AUTS2: variants seen among roughly 807,000 people sequenced by gnomAD.
AUTS2 encodes the protein activator of transcription and developmental regulator AUTS2.
AUTS2 carries 17 observed loss-of-function variants against 112.4 expected under a neutral mutation model. The ratio of observed to expected loss-of-function variants is 0.15; its 90% CI spans 0.10 to 0.23. The LOEUF is 0.23. AUTS2 is among the 10% of genes least tolerant of loss of function. AUTS2 has a pLI of 1.00. For missense variants in AUTS2, 1,510 were observed against 1,701.6 expected, an observed-to-expected ratio of 0.89 and a Z score of 1.98; for synonymous variants, 751 against 702.7, an observed-to-expected ratio of 1.07 and a Z score of -1.09.
At chr7:70,764,302 T>C (rs1282107008) in intron 7 of AUTS2, among the ~76,000 whole-genome samples, 2 of 152,148 alleles carry the variant, frequency 1.3e-5, no homozygotes, top group African/African-American at 4.8e-5. Flanking sequence ...GTTTCACCTC[T>C]TCTTTGTGTG....
intron 4 of AUTS2, among the ~76,000 whole-genome samples, chr7:70,244,937 T>C (rs569407576): frequency 1.2e-3 from 177 of 151,916 alleles, no homozygotes; most frequent in African/African-American, 4.0e-3. Flanking sequence ...CTGGCCAACA[T>C]GGTAAAACCC....
intron 1 of AUTS2, among the ~76,000 whole-genome samples, chr7:69,702,727 C>T (rs763382442): frequency 5.9e-5 from 9 of 152,154 alleles, no homozygotes; most frequent in South Asian, 2.1e-4. Context: ...CTTACTGAAT[C>T]AGAATCTCCA....
At chr7:70,650,935 C>T (rs1259824874) in intron 5 of AUTS2, among the ~76,000 whole-genome samples, 1 of 152,152 alleles carries the variant, frequency 6.6e-6, no homozygotes, top group Admixed American at 6.5e-5. Flanking sequence ...ACGTTGAGGG[C>T]ATGGCTGAGG....
chr7:70,369,657 A>G (rs1354618617), intron 4 of AUTS2, among the ~76,000 whole-genome samples: 2 of 152,112 alleles, frequency 1.3e-5, no homozygotes, highest in Non-Finnish European at 2.9e-5. Context: ...ACAGGTTGCA[A>G]CCTTATTATA....
At chr7:70,441,128 A>G (rs1348665316) in intron 5 of AUTS2, among the ~76,000 whole-genome samples, 1 of 152,230 alleles carries the variant, frequency 6.6e-6, no homozygotes, top group Admixed American at 6.5e-5. Flanking sequence ...TACATGCAGT[A>G]CACACATACA....
At chr7:70,451,675 TGAG>T (rs1020208587) in intron 5 of AUTS2, among the ~76,000 whole-genome samples, 16 of 152,176 alleles carry the variant, frequency 1.1e-4, no homozygotes, top group Admixed American at 3.3e-4. Context: ...ATTTTAGAAA[TGAG>T]GAACTTTGAA....
At chr7:69,925,435 T>C (rs1343000192) in intron 2 of AUTS2, among the ~76,000 whole-genome samples, 1 of 152,180 alleles carries the variant, frequency 6.6e-6, no homozygotes, top group Non-Finnish European at 1.5e-5. Context: ...TTCTGATCTG[T>C]GGTATTTTCA....
chr7:70,161,207 C>T (rs940793449), intron 4 of AUTS2, among the ~76,000 whole-genome samples: 3 of 151,886 alleles, frequency 2.0e-5, no homozygotes, highest in Non-Finnish European at 4.4e-5. Flanking sequence ...CTGACTTCCC[C>T]TGTGGGGACA....
At chr7:70,142,693 G>T (rs1325109305) in intron 4 of AUTS2, among the ~76,000 whole-genome samples, 2 of 152,294 alleles carry the variant, frequency 1.3e-5, no homozygotes, top group African/African-American at 4.8e-5. Flanking sequence ...TGATCATAGA[G>T]ATGAAGCGGT....
intron 1 of AUTS2, among the ~76,000 whole-genome samples, chr7:69,696,225 C>T (rs1479553291): frequency 1.3e-5 from 2 of 152,144 alleles, no homozygotes; most frequent in African/African-American, 2.4e-5. Context: ...CTCAAGAGGA[C>T]CTCTGTTCTT....
intron 4 of AUTS2, among the ~76,000 whole-genome samples, chr7:70,415,567 T>C (rs1794954378): frequency 6.6e-6 from 1 of 152,218 alleles, no homozygotes; most frequent in Admixed American, 6.5e-5. Flanking sequence ...AAAAGTGTCC[T>C]GGTACATCGT....
At chr7:69,875,355 G>C (rs1334130285) in intron 1 of AUTS2, among the ~76,000 whole-genome samples, 1 of 152,058 alleles carries the variant, frequency 6.6e-6, no homozygotes, top group Admixed American at 6.5e-5. Flanking sequence ...AAGTAACTTT[G>C]ATCTTTTTTT....
chr7:70,235,697 G>A (rs1189003396), intron 4 of AUTS2, among the ~76,000 whole-genome samples: 2 of 151,296 alleles, frequency 1.3e-5, no homozygotes, highest in African/African-American at 4.9e-5. Flanking sequence ...TGTTGCCTGG[G>A]CTGGAGTGCA....
intron 5 of AUTS2, among the ~76,000 whole-genome samples, chr7:70,532,424 C>T (rs559919540): frequency 1.3e-5 from 2 of 152,262 alleles, no homozygotes; most frequent in South Asian, 4.1e-4. Context: ...CTTAAAGAGT[C>T]TGCAGTCTTC....
In AUTS2 at chr7:69,847,111, A is replaced by C. The variant is rs557760018; in HGVS notation, c.310-52175A>C. Among the ~76,000 whole-genome samples, 79 of 152,220 alleles carry C rather than the reference A, an allele frequency of 5.2e-4. 1 individual carries two copies. The Middle Eastern group carries it at 0.014, about 26-fold the overall frequency. ...TCCCCTCTCCCCTACCCCCCAGTAC[A>C]TGCATAATTGCTTTAAATATTATTA... On this transcript the variant is annotated intron_variant, in intron 1 of 18. Transcript: ENST00000342771.
At position 70,185,257 on chromosome 7, in the gene AUTS2, C is replaced by CTTTTTTTTTTT. The variant is rs35215443; in HGVS notation, c.660+50703_660+50713dup. Among the ~76,000 whole-genome samples the CTTTTTTTTTTT allele has an allele frequency of 4.2e-4, 37 of 87,116 alleles. 5 individuals carry two copies. The highest frequency in any genetic ancestry group is 1.4e-3 in the African/African-American group (31 of 21,908). 57.2% of individuals were successfully genotyped at this position (87,116 alleles called of 152,430 possible). On this transcript the variant is annotated intron_variant, in intron 4 of 18. Coordinates refer to ENST00000342771, the MANE Select transcript of AUTS2 (RefSeq NM_015570.4). ...TGCTTTGGGCCTAAATGACATTAAA[C>CTTTTTTTTTTT]TTTTTTTTTTTTTTTTTTTTTTTTT... is the stretch of plus-strand genomic sequence containing the variant.
At position 70,763,316 on chromosome 7, in the gene AUTS2, A is replaced by C. The variant is rs768770171; in HGVS notation, c.1189A>C (p.Ser397Arg). The change falls in exon 7 of 19, where the codon AGT becomes CGT. Residue 397 changes from serine (S) to arginine (R), a missense_variant. Transcript: ENST00000342771. ...LSQPLSAYNS[S>R]SLSLNSLSSS... ...CCAGCCATTGTCAGCCTACAACAGCAGTAGCTTAAGCCTCAACAGTTTAAG... is the reference window on the plus strand; with the variant it reads ...CCAGCCATTGTCAGCCTACAACAGCCGTAGCTTAAGCCTCAACAGTTTAAG... 1 of 1,590,608 alleles carries C rather than the reference A, an allele frequency of 6.3e-7. No individual in the cohort carries two copies.
chr7:69,904,458 A>T (rs903713516), intron 2 of AUTS2, among the ~76,000 whole-genome samples: 1 of 152,014 alleles, frequency 6.6e-6, no homozygotes, highest in Non-Finnish European at 1.5e-5. Flanking sequence ...ATCCAGCTTG[A>T]CTCTAGAGCC....
At chr7:69,781,508 C>A (rs1348275619) in intron 1 of AUTS2, among the ~76,000 whole-genome samples, 1 of 152,218 alleles carries the variant, frequency 6.6e-6, no homozygotes, top group Non-Finnish European at 1.5e-5. Flanking sequence ...GCTCTGGAGA[C>A]CAGCTCTCCT....
Sources: allele counts gnomAD v4.1 joint callset (sites outside exome capture counted in the v4.1 genomes callset), GRCh38; gene constraint gnomAD v4.1.1; transcripts MANE v1.5; gene names NCBI Gene and HGNC (gene_info 2026-07-23, HGNC 2026-07-21).